PKNOX2: variants seen among roughly 807,000 people sequenced by gnomAD.
PKNOX2 encodes homeobox protein PKNOX2.
PKNOX2 carries 14 observed loss-of-function variants against 53.1 expected under a neutral mutation model. The ratio of observed to expected loss-of-function variants is 0.26; its 90% confidence interval spans 0.17 to 0.41. The LOEUF is 0.41. Among genes scored for constraint, PKNOX2 ranks in the 10% least tolerant of loss-of-function variants. The probability of loss-of-function intolerance (pLI) is 1.00; values close to 1 mark genes in which losing one functional copy is unlikely to be tolerated. For synonymous variants in PKNOX2, 257 were observed against 242.8 expected (o/e 1.06, Z -0.54); for missense variants, 496 against 602.8 (o/e 0.82, Z 1.85).
chr11:125,267,235 A>G (rs1945423804), intron 2 of PKNOX2, among the ~76,000 whole-genome samples: 1 of 152,216 alleles, frequency 6.6e-6, no homozygotes. Context: ...CAGTTCTACC[A>G]AACTCCTCCC....
intron 2 of PKNOX2, among the ~76,000 whole-genome samples, chr11:125,299,755 A>T (rs1039817992): frequency 2.0e-5 from 3 of 151,884 alleles, no homozygotes; most frequent in Non-Finnish European, 4.4e-5. Flanking sequence ...GGAGAGGGTG[A>T]GCGTTGGGGA....
At chr11:125,412,803 G>A (rs1435952642) in intron 10 of PKNOX2, among the ~76,000 whole-genome samples, 6 of 152,222 alleles carry the variant, frequency 3.9e-5, no homozygotes, top group Non-Finnish European at 8.8e-5. Context: ...GGAAGAATCA[G>A]GAGGAAGAGG....
chr11:125,333,549 T>TACACAC (rs57352759), intron 3 of PKNOX2, among the ~76,000 whole-genome samples: 2,792 of 142,266 alleles, frequency 0.02, 66 homozygotes, highest in African/African-American at 0.055. Flanking sequence ...CACACACACA[T>TACACAC]ACACACACAC....
At chr11:125,341,146 C>G (rs1479558500) in intron 3 of PKNOX2, among the ~76,000 whole-genome samples, 1 of 150,314 alleles carries the variant, frequency 6.7e-6, no homozygotes, top group East Asian at 2.0e-4. Flanking sequence ...CAGATCACAT[C>G]AAGAGACCGA....
At chr11:125,199,081 T>A (rs891435406) in intron 1 of PKNOX2, among the ~76,000 whole-genome samples, 7 of 152,176 alleles carry the variant, frequency 4.6e-5, no homozygotes, top group African/African-American at 1.7e-4. Context: ...CCTCAAGTTA[T>A]CTGCCCTCCT....
chr11:125,167,487 C>G (rs2135166479), intron 1 of PKNOX2, among the ~76,000 whole-genome samples: 1 of 152,264 alleles, frequency 6.6e-6, no homozygotes, highest in Non-Finnish European at 1.5e-5. Flanking sequence ...ACGGAGACTC[C>G]CTGGTCACCG....
At chr11:125,311,931 G>A (rs78305914) in intron 2 of PKNOX2, among the ~76,000 whole-genome samples, 1,994 of 152,066 alleles carry the variant, frequency 0.013, 47 homozygotes, top group African/African-American at 0.045. Flanking sequence ...TCTTGAACCC[G>A]GGAGGTGGAG....
In PKNOX2 at chr11:125,216,475, AC is replaced by A. The variant is rs559184693; in HGVS notation, c.-200-18567del. Among the ~76,000 whole-genome samples the A allele has an allele frequency of 2.0e-4, 31 of 152,142 alleles. No individual in the cohort carries two copies. In the East Asian group the frequency reaches 6.0e-3, roughly 29 times the overall value. On this transcript the variant is annotated intron_variant, in intron 1 of 12. Transcript: ENST00000298282. The stretch of plus-strand genomic sequence containing the variant: ...GGCAGGTGCTGAGGGGGCCTGAGAA[AC>A]CCGCCTGGGGAGGCACCGAGGCTGA...
At chr11:125,343,566 A>C (rs1036103536) in intron 3 of PKNOX2, among the ~76,000 whole-genome samples, 4 of 152,180 alleles carry the variant, frequency 2.6e-5, no homozygotes, top group African/African-American at 9.7e-5. Context: ...GATCAAGAAG[A>C]AGCAAGCAGT....
intron 9 of PKNOX2, chr11:125,411,316 G>A (rs1474188083): frequency 3.0e-6 from 1 of 338,342 alleles, no homozygotes; most frequent in African/African-American, 2.1e-5. Flanking sequence ...AACCTACAGG[G>A]CTGCTGTGAG....
intron 1 of PKNOX2, among the ~76,000 whole-genome samples, chr11:125,231,319 G>A (rs1942191448): frequency 6.6e-6 from 1 of 152,174 alleles, no homozygotes; most frequent in South Asian, 2.1e-4. Context: ...CCTATGGGAA[G>A]CTTTCTTCTA....
intron 7 of PKNOX2, among the ~76,000 whole-genome samples, chr11:125,405,784 A>G (rs926587940): frequency 1.3e-5 from 2 of 152,176 alleles, no homozygotes; most frequent in African/African-American, 4.8e-5. Context: ...AATCAACAGC[A>G]CACAAGGAAC....
intron 5 of PKNOX2, among the ~76,000 whole-genome samples, chr11:125,378,326 G>A (rs1011657304): frequency 1.3e-5 from 2 of 152,248 alleles, no homozygotes; most frequent in Non-Finnish European, 2.9e-5. Flanking sequence ...TGTCCTCTGA[G>A]CAGTGGGACC....
At chr11:125,167,085 C>A (rs557868865) in intron 1 of PKNOX2, among the ~76,000 whole-genome samples, 2 of 151,144 alleles carry the variant, frequency 1.3e-5, no homozygotes, top group Admixed American at 1.3e-4. Context: ...ATCTCCCACT[C>A]GGGCTGCATC....
In PKNOX2 at chr11:125,365,418, C is replaced by T. The variant is rs78615909; in HGVS notation, c.88-2428C>T. Among the ~76,000 whole-genome samples, 603 of 152,216 alleles carry T rather than the reference C, an allele frequency of 4.0e-3. 9 individuals carry two copies. Among genetic ancestry groups the T allele is most frequent in the African/African-American group, 0.013 (551 of 41,508 alleles). Reference sequence around the variant, plus strand: ...ATTGAGCCAGCTGTCAACTAAAACACGGCTACTAAGCCATGTCTCTCCTTC... The same window carrying T: ...ATTGAGCCAGCTGTCAACTAAAACATGGCTACTAAGCCATGTCTCTCCTTC... On this transcript the variant is annotated intron_variant, in intron 4 of 12. Transcript: ENST00000298282.
At chr11:125,345,449 A>G (rs1950918243) in intron 3 of PKNOX2, among the ~76,000 whole-genome samples, 1 of 152,010 alleles carries the variant, frequency 6.6e-6, no homozygotes, top group Non-Finnish European at 1.5e-5. Context: ...ACCAAGCCTC[A>G]GGGACCACCA....
chr11:125,220,369 T>G (rs560377959), intron 1 of PKNOX2, among the ~76,000 whole-genome samples: 3 of 152,320 alleles, frequency 2.0e-5, no homozygotes, highest in Admixed American at 2.0e-4. Context: ...CGAGAGCGGC[T>G]GATTTCCAAC....
intron 2 of PKNOX2, among the ~76,000 whole-genome samples, chr11:125,261,375 C>T (rs1341553105): frequency 2.0e-5 from 3 of 152,166 alleles, no homozygotes; most frequent in Non-Finnish European, 2.9e-5. Context: ...GATTGCCAAG[C>T]GAGTGCCTGC....
chr11:125,340,293 AC>A (rs1347016779), intron 3 of PKNOX2, among the ~76,000 whole-genome samples: 1 of 152,214 alleles, frequency 6.6e-6, no homozygotes, highest in Admixed American at 6.5e-5. Flanking sequence ...AAGTCAAAGG[AC>A]AGCCAGTATT....
Sources: gnomAD v4.1 joint callset for allele counts (sites outside exome capture counted in the v4.1 genomes callset) on GRCh38, gnomAD v4.1.1 for gene constraint, MANE v1.5 for transcripts, NCBI Gene and HGNC (gene_info 2026-07-23, HGNC 2026-07-21) for gene names.